NPHP4: variants seen among roughly 807,000 people sequenced by gnomAD.
The protein encoded by NPHP4 is nephrocystin-4.
In NPHP4, 151 loss-of-function variants were observed where a neutral mutation model predicts 155.8. The ratio of observed to expected loss-of-function variants is 0.97; its 90% CI spans 0.85 to 1.11. NPHP4 has a LOEUF of 1.11. Among genes scored for constraint, NPHP4 ranks in the 50% least tolerant of loss-of-function variants. NPHP4 has a pLI of 0.00. For synonymous variants in NPHP4, 845 were observed against 816.8 expected, an observed-to-expected ratio of 1.03 and a Z score of -0.59; for missense variants, 1,956 against 1,925.7, an observed-to-expected ratio of 1.02 and a Z score of -0.29.
intron 11 of NPHP4, among the ~76,000 whole-genome samples, chr1:5,927,211 C>A (rs1646049775): frequency 6.6e-6 from 1 of 152,224 alleles, no homozygotes; most frequent in Admixed American, 6.5e-5. Context: ...AATTGTGACT[C>A]CTTTTCTTAA....
At chr1:5,873,139 C>A in intron 23 of NPHP4, 113 bp downstream of exon 23, 1 of 931,568 alleles carries the variant, frequency 1.1e-6, no homozygotes, top group Non-Finnish European at 1.7e-6. Flanking sequence ...GCCACCCCTG[C>A]CCTGACCTGG....
chr1:5,940,267 C>G (rs748802202), intron 9 of NPHP4, among the ~76,000 whole-genome samples: 90 of 152,108 alleles, frequency 5.9e-4, no homozygotes, highest in Non-Finnish European at 2.1e-4. Context: ...GTTCAGCCCC[C>G]CTTTCTCTTG....
chr1:5,966,338 TG>T (rs1418168208), intron 5 of NPHP4, among the ~76,000 whole-genome samples: 1 of 152,178 alleles, frequency 6.6e-6, no homozygotes, highest in Non-Finnish European at 1.5e-5. Flanking sequence ...CTCTGCCTCC[TG>T]GGGTGAAGTG....
intron 19 of NPHP4, among the ~76,000 whole-genome samples, chr1:5,877,964 C>T (rs960380753): frequency 6.6e-6 from 1 of 152,266 alleles, no homozygotes; most frequent in African/African-American, 2.4e-5. Context: ...CCCTTCCTTC[C>T]GACACAGAGC....
At chr1:5,924,787 G>A (rs550281526) in intron 11 of NPHP4, among the ~76,000 whole-genome samples, 20 of 152,018 alleles carry the variant, frequency 1.3e-4, no homozygotes, top group South Asian at 6.2e-4. Context: ...CCTGAGTAGC[G>A]GGGACTAAAG....
At chr1:5,942,300 G>C (rs1646857730) in intron 9 of NPHP4, among the ~76,000 whole-genome samples, 1 of 152,144 alleles carries the variant, frequency 6.6e-6, no homozygotes, top group South Asian at 2.1e-4. Context: ...GGAAGGCCAA[G>C]GCGGGTGGAT....
intron 7 of NPHP4, among the ~76,000 whole-genome samples, chr1:5,951,223 T>TCC (rs1170164193): frequency 6.6e-6 from 1 of 152,176 alleles, no homozygotes; most frequent in Non-Finnish European, 1.5e-5. Context: ...GCCCAAGGCC[T>TCC]CCCTCTGCCG....
At chr1:5,958,856 CAA>C (rs397705325) in intron 6 of NPHP4, among the ~76,000 whole-genome samples, 6 of 75,856 alleles carry the variant, frequency 7.9e-5, no homozygotes, top group Middle Eastern at 0.011. Context: ...GACCCTGTCT[CAA>C]AAAAAAAAAA....
Position 5,904,833 on chromosome 1 carries a change from T to A in NPHP4, c.1956-29A>T, listed in dbSNP as rs745911657. On this transcript the variant is annotated intron_variant, in intron 15 of 29. Coordinates refer to ENST00000378156, the MANE Select transcript of NPHP4 (RefSeq NM_015102.5). ...AATCCAACAACAGCTCTGGGTTAACTGAGTATCCATGGCACAGAACCTGAG... is the reference window on the plus strand; with the variant it reads ...AATCCAACAACAGCTCTGGGTTAACAGAGTATCCATGGCACAGAACCTGAG... 37 of 1,606,678 alleles carry A rather than the reference T, an allele frequency of 2.3e-5. No individual in the cohort carries two copies. The highest frequency in any genetic ancestry group is 3.1e-5 in the Non-Finnish European group (36 of 1,173,466).
At chr1:5,872,954 C>T (rs550418843) in intron 23 of NPHP4, among the ~76,000 whole-genome samples, 2 of 152,334 alleles carry the variant, frequency 1.3e-5, no homozygotes, top group South Asian at 2.1e-4. Context: ...AAGGAGTGGC[C>T]GCAGGCTGTG....
intron 2 of NPHP4, among the ~76,000 whole-genome samples, chr1:5,984,768 A>G (rs1655216541): frequency 6.6e-6 from 1 of 152,206 alleles, no homozygotes; most frequent in African/African-American, 2.4e-5. Flanking sequence ...TTTCACAAAT[A>G]AAAATAAAAT....
chr1:5,868,632 A>G (rs1192474544), intron 23 of NPHP4, among the ~76,000 whole-genome samples: 2 of 150,534 alleles, frequency 1.3e-5, no homozygotes, highest in Non-Finnish European at 3.0e-5. Context: ...ACATGCAAAC[A>G]TGCACCCATG....
chr1:5,946,953 C>A (rs1647132793), intron 9 of NPHP4, 151 bp downstream of exon 9: 3 of 848,888 alleles, frequency 3.5e-6, no homozygotes, highest in South Asian at 1.5e-5. Context: ...TCCTTACAAT[C>A]AGCTGATAAA....
intron 18 of NPHP4, chr1:5,886,906 G>A (rs1453868748): frequency 2.1e-5 from 4 of 190,408 alleles, no homozygotes; most frequent in South Asian, 3.1e-4. Context: ...TCCTCCTCCC[G>A]GGCTGCAGGG....
Position 5,867,108 on chromosome 1 carries a change from C to G in NPHP4, c.3480G>C (p.Pro1160=), listed in dbSNP as rs373955397. The G allele has an allele frequency of 6.2e-7, 1 of 1,611,700 alleles. No homozygotes were observed. The highest frequency in any genetic ancestry group is 1.7e-5 in the Admixed American group (1 of 59,736). The part of the protein sequence containing the change: ...LPPWHTFPGA[P]VGMLGEDPPV... ...GGGGGTCCTCACCAAGCATTCCCAC[C>G]GGAGCACCTGGAGCAGGGGAAATGT... Residue 1160 remains proline (P), a synonymous_variant, in exon 25 of 30, where the codon CCG becomes CCC. Coordinates refer to ENST00000378156, the MANE Select transcript of NPHP4 (RefSeq NM_015102.5). The surrounding 1 kb of genome is among the most constrained non-coding windows in gnomAD (Gnocchi z 4.1).
intron 10 of NPHP4, among the ~76,000 whole-genome samples, chr1:5,931,417 A>C (rs12752973): frequency 0.17 from 25,516 of 150,992 alleles, 2,233 homozygotes; most frequent in African/African-American, 0.21. Context: ...AAAAAAAAAA[A>C]AAGTACTGTA....
intron 2 of NPHP4, among the ~76,000 whole-genome samples, chr1:5,982,285 A>G (rs534890606): frequency 6.6e-6 from 1 of 152,276 alleles, no homozygotes; most frequent in African/African-American, 2.4e-5. Flanking sequence ...AGATTGTAAT[A>G]TTATATTTTT....
intron 3 of NPHP4, among the ~76,000 whole-genome samples, chr1:5,977,216 C>T (rs1315802278): frequency 6.6e-6 from 1 of 152,088 alleles, no homozygotes; most frequent in African/African-American, 2.4e-5. Flanking sequence ...CGTCAGCGTC[C>T]CTAAGAAGAC....
chr1:5,867,275 A>AT lies in NPHP4; in HGVS notation c.3473-161dup, dbSNP rs1414221633. 3.3e-6 allele frequency: 2 copies of AT among 614,170 alleles called. No homozygotes were observed. The highest frequency in any genetic ancestry group is 3.7e-5 in the African/African-American group (2 of 54,440). The allele number at this position is 614,170 out of a possible 1,614,324, so 38.0% of individuals were successfully genotyped here. The stretch of plus-strand genomic sequence containing the variant: ...ACGCCGCCACCTTTCCCAGGACAGC[A>AT]TCCAAGCACTGTGTTCCCTGCATGG... On this transcript the variant is annotated intron_variant, in intron 24 of 29. Coordinates refer to ENST00000378156, the MANE Select transcript of NPHP4 (RefSeq NM_015102.5). This position sits in a 1 kb window ranked among gnomAD's most constrained non-coding sequence, Gnocchi z 4.1.
Sources: gnomAD v4.1 joint callset for allele counts (sites outside exome capture counted in the v4.1 genomes callset) on GRCh38, gnomAD v4.1.1 for gene constraint, Gnocchi (gnomAD v3.1) non-coding constraint, MANE v1.5 for transcripts, NCBI Gene and HGNC (gene_info 2026-07-23, HGNC 2026-07-21) for gene names.